The following HIPK1 variants were observed in gnomAD, a reference collection of about 807,000 sequenced individuals.
HIPK1 encodes the protein homeodomain interacting protein kinase 1.
HIPK1 carries 28 observed loss-of-function variants against 117.1 expected under a neutral mutation model. That is an observed-to-expected ratio of 0.24 (90% CI 0.18 to 0.33). The LOEUF is 0.33. Among genes scored for constraint, HIPK1 ranks in the 10% least tolerant of loss-of-function variants. The probability of loss-of-function intolerance (pLI) is 1.00; values close to 1 mark genes in which losing one functional copy is unlikely to be tolerated. For synonymous variants in HIPK1, 605 were observed against 562.5 expected (o/e 1.08, Z -1.07); for missense variants, 1,122 against 1,475.1 (o/e 0.76, Z 3.92).
chr1:113,965,355 A>C (rs1179556149), intron 10 of HIPK1, among the ~76,000 whole-genome samples: 7 of 152,088 alleles, frequency 4.6e-5, no homozygotes, highest in Admixed American at 3.9e-4. Context: ...TGCTCAGTTT[A>C]TTGCAAGTGA....
chr1:113,965,983 C>T (rs1331750801), intron 10 of HIPK1, 147 bp from the exon 11 acceptor site: 3 of 717,374 alleles, frequency 4.2e-6, no homozygotes, highest in African/African-American at 1.8e-5. Flanking sequence ...AGCTTGAGCC[C>T]CTCTGACCTT....
chr1:113,963,580 GT>G lies in HIPK1; in HGVS notation c.2238+65del, dbSNP rs911674628. 3.9e-6 allele frequency: 6 copies of G among 1,537,536 alleles called. No individual in the cohort carries two copies. The African/African-American group carries it at 8.4e-5, about 22-fold the overall frequency. ...AGTTTCTTTGGTTTCTTTCTTTTTT[GT>G]TTTTTCCTGTTTGTTTTTGTTCTGT... On this transcript the variant is annotated intron_variant, in intron 10 of 15. Transcript: ENST00000426820.
Position 113,968,004 on chromosome 1 carries a change from C to T in HIPK1, c.2564+56C>T, listed in dbSNP as rs373391081. On this transcript the variant is annotated intron_variant, in intron 12 of 15. Coordinates refer to ENST00000426820, the MANE Select transcript of HIPK1 (RefSeq NM_198268.3). Reference sequence around the variant, plus strand: ...CTGTGCCAGTTTGAGAGATATGTTGCCTTGCATTTGGAATATTGTATAGAC... The same window carrying T: ...CTGTGCCAGTTTGAGAGATATGTTGTCTTGCATTTGGAATATTGTATAGAC... 9.4e-6 allele frequency: 14 copies of T among 1,487,316 alleles called. 1 individual carries two copies. The highest frequency in any genetic ancestry group is 1.7e-4 in the Middle Eastern group (1 of 5,786). The allele number at this position is 1,487,316 out of a possible 1,614,324, so 92.1% of individuals were successfully genotyped here. A position where few individuals can be genotyped will look rare whatever the true frequency, so the allele number is the denominator to read the frequency against.
intron 2 of HIPK1, among the ~76,000 whole-genome samples, chr1:113,942,493 T>C (rs1004327200): frequency 2.0e-5 from 3 of 152,244 alleles, no homozygotes; most frequent in African/African-American, 7.2e-5. Flanking sequence ...GGTTTAACTC[T>C]AGTAACATTT....
chr1:113,953,407 T>C (rs1250292146), intron 3 of HIPK1, among the ~76,000 whole-genome samples: 1 of 152,200 alleles, frequency 6.6e-6, no homozygotes, highest in Non-Finnish European at 1.5e-5. Context: ...TATCTAAAAA[T>C]AGACAAACTT....
intron 2 of HIPK1, among the ~76,000 whole-genome samples, chr1:113,944,159 GTTTT>G (rs140161727): frequency 5.4e-5 from 3 of 55,216 alleles, no homozygotes; most frequent in Non-Finnish European, 9.4e-5. Context: ...ATAGCCATGG[GTTTT>G]TTTTTTTTTT....
intron 1 of HIPK1, among the ~76,000 whole-genome samples, chr1:113,932,378 T>G (rs1372663196): frequency 3.3e-5 from 5 of 150,630 alleles, no homozygotes; most frequent in African/African-American, 1.2e-4. Flanking sequence ...CTGTTTTTTT[T>G]TTTTTTTTTT....
intron 10 of HIPK1, among the ~76,000 whole-genome samples, chr1:113,964,260 A>G (rs923217816): frequency 1.3e-5 from 2 of 152,220 alleles, no homozygotes; most frequent in African/African-American, 4.8e-5. Flanking sequence ...AGGTCTTTAT[A>G]CAAAGGTTGA....
At chr1:113,972,977 A>G in intron 15 of HIPK1, 47 bp from the exon 16 acceptor site, 2 of 1,508,158 alleles carry the variant, frequency 1.3e-6, no homozygotes, top group Non-Finnish European at 8.9e-7. Flanking sequence ...TGGTGCCCTG[A>G]GCTGGAGTGA....
chr1:113,957,656 AG>A (rs1169263781), intron 7 of HIPK1, among the ~76,000 whole-genome samples: 1 of 152,186 alleles, frequency 6.6e-6, no homozygotes, highest in Non-Finnish European at 1.5e-5. Flanking sequence ...ATTAACTTTA[AG>A]GGTGGTTTTG....
chr1:113,943,051 A>T lies in HIPK1; in HGVS notation c.1076+1592A>T, dbSNP rs990400899. Among the ~76,000 whole-genome samples, 5 of 152,258 alleles carry T rather than the reference A, an allele frequency of 3.3e-5. No homozygotes were observed. In the South Asian group the frequency reaches 1.0e-3, roughly 31 times the overall value. On this transcript the variant is annotated intron_variant, in intron 2 of 15. Coordinates refer to ENST00000426820, the MANE Select transcript of HIPK1 (RefSeq NM_198268.3). ...TTTTAACCCATACAAGGACTCAGAA[A>T]AAATGTCATCTGCATGTTTCCTTTT...
chr1:113,944,714 G>A (rs1022610757), intron 2 of HIPK1, among the ~76,000 whole-genome samples: 4 of 151,196 alleles, frequency 2.6e-5, no homozygotes, highest in Admixed American at 1.3e-4. Flanking sequence ...TCTTGACCTC[G>A]TGATGAAGTG....
chr1:113,941,439 C>T lies in HIPK1; in HGVS notation c.1056C>T (p.Tyr352=). The change falls in exon 2 of 16, where the codon TAC becomes TAT. Residue 352 remains tyrosine, a synonymous_variant. Transcript: ENST00000426820. This position sits in a 1 kb window ranked among gnomAD's most constrained non-coding sequence, Gnocchi z 4.9. The stretch of plus-strand genomic sequence containing the variant: ...TTTCCAAAGCTGTGTGCTCAACCTA[C>T]TTACAGTCACGTTACTACAGGCAAG... ...SHVSKAVCST[Y]LQSRYYRAPE... The T allele has an allele frequency of 6.2e-7, 1 of 1,613,216 alleles. No homozygotes were observed. Among genetic ancestry groups the T allele is most frequent in the Non-Finnish European group, 8.5e-7 (1 of 1,179,332 alleles).
intron 1 of HIPK1, chr1:113,929,922 G>C: frequency 1.0e-6 from 1 of 986,072 alleles, no homozygotes; most frequent in Non-Finnish European, 1.2e-6. Context: ...TCGCGGCTGA[G>C]AACCAGACAC....
intron 2 of HIPK1, chr1:113,951,349 GC>G (rs929859461): frequency 1.1e-6 from 1 of 906,814 alleles, no homozygotes; most frequent in African/African-American, 1.8e-5. Flanking sequence ...CAATTCTGGA[GC>G]CAGATTGCAG....
chr1:113,962,222 G>A (rs1672171552), intron 8 of HIPK1, 95 bp from the exon 9 acceptor site: 1 of 1,279,532 alleles, frequency 7.8e-7, no homozygotes, highest in African/African-American at 1.5e-5. Flanking sequence ...CCTGAACAGT[G>A]GATTATTTGA....
At chr1:113,939,428 G>T (rs1382856670) in intron 1 of HIPK1, among the ~76,000 whole-genome samples, 1 of 151,660 alleles carries the variant, frequency 6.6e-6, no homozygotes, top group African/African-American at 2.4e-5. Flanking sequence ...TGAGGCGTTG[G>T]ATGTGTGATG....
chr1:113,964,002 A>G (rs1017117493), intron 10 of HIPK1, among the ~76,000 whole-genome samples: 2 of 152,194 alleles, frequency 1.3e-5, no homozygotes, highest in Admixed American at 6.5e-5. Context: ...TTAAGGTTCT[A>G]AAACTTTTCT....
Position 113,973,695 on chromosome 1 carries a change from T to G in HIPK1, c.*183T>G, listed in dbSNP as rs181589453. On this transcript the variant is annotated 3_prime_UTR_variant, in exon 16 of 16. Coordinates refer to ENST00000426820, the MANE Select transcript of HIPK1 (RefSeq NM_198268.3). ...GAACCTGTCTCAGTGTTGACTGCAT[T>G]GTTGTAGTCTTCCCAAAGTTTGCCC... 1 of 540,374 alleles carries G rather than the reference T, an allele frequency of 1.9e-6. No homozygotes were observed. The highest frequency in any genetic ancestry group is 1.9e-5 in the African/African-American group (1 of 51,620). The allele number at this position is 540,374 out of a possible 1,614,324, so 33.5% of individuals were successfully genotyped here.
Sources: gnomAD v4.1 joint callset for allele counts (sites outside exome capture counted in the v4.1 genomes callset) on GRCh38, gnomAD v4.1.1 for gene constraint, Gnocchi (gnomAD v3.1) non-coding constraint, MANE v1.5 for transcripts, NCBI Gene and HGNC (gene_info 2026-07-23, HGNC 2026-07-21) for gene names.